The following TCF4 variants were observed in gnomAD, a reference collection of about 807,000 sequenced individuals.
TCF4 encodes the protein transcription factor 4.
In TCF4, 3 loss-of-function variants were observed where a neutral mutation model predicts 82.1. The ratio of observed to expected loss-of-function variants is 0.04; its 90% confidence interval spans 0.02 to 0.09. The LOEUF is 0.09. TCF4 is among the 10% of genes least tolerant of loss of function. TCF4 has a pLI of 1.00. For synonymous variants in TCF4, 276 were observed against 309.6 expected (o/e 0.89, Z 1.14); for missense variants, 518 against 852.7 (o/e 0.61, Z 4.89).
intron 5 of TCF4, among the ~76,000 whole-genome samples, chr18:55,458,359 G>A (rs75180011): frequency 6.6e-6 from 1 of 152,310 alleles, no homozygotes; most frequent in South Asian, 2.1e-4. Context: ...TTATGCTAAA[G>A]TCTACTACCT....
At chr18:55,509,191 A>G (rs1325867270) in intron 3 of TCF4, among the ~76,000 whole-genome samples, 1 of 152,200 alleles carries the variant, frequency 6.6e-6, no homozygotes, top group East Asian at 1.9e-4. Context: ...CGGACTTCGT[A>G]AAGGAGTACT....
At chr18:55,414,775 T>C (rs1253141866) in intron 5 of TCF4, among the ~76,000 whole-genome samples, 1 of 152,180 alleles carries the variant, frequency 6.6e-6, no homozygotes, top group South Asian at 2.1e-4. Context: ...GATTTGTTCC[T>C]TTAACATCTC....
chr18:55,251,290 T>A (rs1193811769), intron 15 of TCF4, among the ~76,000 whole-genome samples: 1 of 151,648 alleles, frequency 6.6e-6, no homozygotes, highest in Non-Finnish European at 1.5e-5. Context: ...TATACAAACA[T>A]TCGCTCTTGT....
intron 7 of TCF4, 81 bp from the exon 8 acceptor site, chr18:55,350,489 A>T: frequency 7.2e-7 from 1 of 1,385,040 alleles, no homozygotes; most frequent in South Asian, 1.2e-5. Flanking sequence ...AGACTTCTAG[A>T]TGATACCACA....
intron 8 of TCF4, among the ~76,000 whole-genome samples, chr18:55,317,617 A>G (rs1176805035): frequency 1.3e-5 from 2 of 152,038 alleles, no homozygotes; most frequent in Non-Finnish European, 1.5e-5. Flanking sequence ...TTATCTTAGC[A>G]CTTCCTGTGA....
intron 2 of TCF4, among the ~76,000 whole-genome samples, chr18:55,610,331 C>T (rs750345208): frequency 1.3e-5 from 2 of 152,114 alleles, no homozygotes; most frequent in Non-Finnish European, 2.9e-5. Flanking sequence ...CTTACTCCTG[C>T]GGGTTAATTT....
rs1363461535 is a variant in TCF4, at chr18:55,531,837, C to T, written c.145+53443G>A. ...TCTTGAGACAACTAATACAGACACA[C>T]TTTGCTTAGTCTGATAAACATCAGC... is the stretch of plus-strand genomic sequence containing the variant. On this transcript the variant is annotated intron_variant, in intron 3 of 19. Coordinates refer to ENST00000354452, the MANE Select transcript of TCF4 (RefSeq NM_001083962.2). Among the ~76,000 whole-genome samples the T allele has an allele frequency of 4.6e-5, 7 of 152,318 alleles. No individual in the cohort carries two copies. The South Asian group carries it at 1.0e-3, about 23-fold the overall frequency.
intron 3 of TCF4, among the ~76,000 whole-genome samples, chr18:55,499,336 T>C (rs2096672074): frequency 6.6e-6 from 1 of 152,160 alleles, no homozygotes; most frequent in Non-Finnish European, 1.5e-5. Context: ...CGTGAGAGCC[T>C]AGCATTCTAC....
Position 55,426,070 on chromosome 18 carries a change from T to C in TCF4, c.305-22552A>G, listed in dbSNP as rs2094965703. Reference sequence around the variant, plus strand: ...TGTTTCTAAAGAAGGGACATGTCCATCCTAAAACACAAACCAAGACAAAAA... The same window carrying C: ...TGTTTCTAAAGAAGGGACATGTCCACCCTAAAACACAAACCAAGACAAAAA... On this transcript the variant is annotated intron_variant, in intron 5 of 19. Coordinates refer to ENST00000354452, the MANE Select transcript of TCF4 (RefSeq NM_001083962.2). 2.0e-5 allele frequency among the ~76,000 whole-genome samples: 3 copies of C among 149,192 alleles called. No homozygotes were observed. In the South Asian group the frequency reaches 6.3e-4, roughly 31 times the overall value.
chr18:55,528,463 C>T (rs918329716), intron 3 of TCF4, among the ~76,000 whole-genome samples: 1 of 152,150 alleles, frequency 6.6e-6, no homozygotes, highest in Admixed American at 6.6e-5. Flanking sequence ...TTAACTGAAC[C>T]TTTGTTCATT....
chr18:55,380,863 C>T (rs1334238735), intron 6 of TCF4, among the ~76,000 whole-genome samples: 3 of 152,150 alleles, frequency 2.0e-5, no homozygotes, highest in Non-Finnish European at 4.4e-5. Flanking sequence ...AACTAAATTG[C>T]TTCAGGAGCT....
chr18:55,635,904 G>T, exon 1 of TCF4: 1 of 1,571,564 alleles, frequency 6.4e-7, no homozygotes. Context: ...ACATGGTGTT[G>T]TTCCTTTGGC....
intron 3 of TCF4, among the ~76,000 whole-genome samples, chr18:55,542,837 C>T (rs1287024423): frequency 6.6e-6 from 1 of 152,004 alleles, no homozygotes. Context: ...TCAACAGATA[C>T]CGTTTTAAAT....
At chr18:55,485,789 C>T (rs1481995905) in intron 3 of TCF4, among the ~76,000 whole-genome samples, 3 of 152,194 alleles carry the variant, frequency 2.0e-5, no homozygotes, top group Non-Finnish European at 4.4e-5. Flanking sequence ...CAGTCTACAG[C>T]TTGCATTGGA....
intron 6 of TCF4, among the ~76,000 whole-genome samples, chr18:55,369,505 G>A (rs1162522454): frequency 6.6e-6 from 1 of 152,164 alleles, no homozygotes; most frequent in Non-Finnish European, 1.5e-5. Context: ...AGTTAGAGGC[G>A]AAAGTGGCTG....
chr18:55,397,279 C>A (rs1308389330), intron 6 of TCF4, among the ~76,000 whole-genome samples: 1 of 152,154 alleles, frequency 6.6e-6, no homozygotes, highest in Non-Finnish European at 1.5e-5. Context: ...TAACCTGAAC[C>A]TGCATAAACC....
At chr18:55,619,524 C>T (rs565093536) in intron 2 of TCF4, among the ~76,000 whole-genome samples, 13 of 152,188 alleles carry the variant, frequency 8.5e-5, no homozygotes, top group Non-Finnish European at 1.3e-4. Flanking sequence ...TAATTTCAGA[C>T]ATTGTTGTTT....
chr18:55,365,445 G>T (rs976866146), intron 6 of TCF4, among the ~76,000 whole-genome samples: 2 of 151,542 alleles, frequency 1.3e-5, no homozygotes. Context: ...CTTCAGAGTG[G>T]GTCAATTCCA....
chr18:55,514,362 C>T (rs2096858009), intron 3 of TCF4, among the ~76,000 whole-genome samples: 1 of 151,350 alleles, frequency 6.6e-6, no homozygotes, highest in South Asian at 2.1e-4. Context: ...TGCATTCATG[C>T]ATGCACATGC....
Sources: allele counts gnomAD v4.1 joint callset (sites outside exome capture counted in the v4.1 genomes callset), GRCh38; gene constraint gnomAD v4.1.1; transcripts MANE v1.5; gene names NCBI Gene and HGNC (gene_info 2026-07-23, HGNC 2026-07-21).